The following HDAC8 variants were observed in gnomAD, a reference collection of about 807,000 sequenced individuals.
The protein encoded by HDAC8 is histone deacetylase-like 1.
HDAC8 carries 1 observed loss-of-function variant against 32.2 expected under a neutral mutation model. That is an observed-to-expected ratio of 0.03 (90% CI 0.01 to 0.15). HDAC8 has a LOEUF of 0.15. Among genes scored for constraint, HDAC8 ranks in the 10% least tolerant of loss-of-function variants. HDAC8 has a pLI of 1.00. For synonymous variants in HDAC8, 108 were observed against 113.9 expected (o/e 0.95, Z 0.33); for missense variants, 117 against 300.0 (o/e 0.39, Z 4.51).
chrX:72,463,285 CA>C (rs1281256936), intron 8 of HDAC8, among the ~76,000 whole-genome samples: 1 of 112,257 alleles, frequency 8.9e-6, no homozygotes, highest in Non-Finnish European at 1.9e-5. Context: ...ATCTCTGGTA[CA>C]TATACAATAT....
At chrX:72,363,245 C>T (rs1348689279) in intron 9 of HDAC8, among the ~76,000 whole-genome samples, 1 of 112,285 alleles carries the variant, frequency 8.9e-6, no homozygotes, top group African/African-American at 3.2e-5. Context: ...TACCATATGT[C>T]TCTGTTAATC....
chrX:72,355,818 C>A (rs1342063838), intron 9 of HDAC8, among the ~76,000 whole-genome samples: 1 of 112,028 alleles, frequency 8.9e-6, no homozygotes, highest in Non-Finnish European at 1.9e-5. Flanking sequence ...GGAAACCAAG[C>A]AACGAACCTG....
intron 9 of HDAC8, among the ~76,000 whole-genome samples, chrX:72,440,893 G>C (rs1602854065): frequency 8.9e-6 from 1 of 112,920 alleles, no homozygotes. Context: ...CCCGCACCTG[G>C]CTTGGGGGGG....
At chrX:72,522,104 C>T (rs2050001111) in intron 4 of HDAC8, among the ~76,000 whole-genome samples, 1 of 112,195 alleles carries the variant, frequency 8.9e-6, no homozygotes, top group African/African-American at 3.2e-5. Context: ...ACCCAACAGG[C>T]ACACACAAAT....
intron 8 of HDAC8, among the ~76,000 whole-genome samples, chrX:72,464,230 C>A (rs782502010): frequency 8.9e-6 from 1 of 111,983 alleles, no homozygotes; most frequent in African/African-American, 3.2e-5. Flanking sequence ...AAAGACTACA[C>A]TGAGAGAAGG....
At position 72,389,953 on chromosome X, in the gene HDAC8, T is replaced by A. The variant is rs138654813; in HGVS notation, c.1006-38115A>T. Among the ~76,000 whole-genome samples, 1,050 of 112,060 alleles carry A rather than the reference T, an allele frequency of 9.4e-3. 17 individuals carry two copies. The highest frequency in any genetic ancestry group is 0.032 in the African/African-American group (983 of 30,835). The stretch of plus-strand genomic sequence containing the variant: ...GCAGGGATGTGGATGCCTTATTTTT[T>A]ATTATTTTTTTAGTTGACAATAACT... On this transcript the variant is annotated intron_variant, in intron 9 of 10. Coordinates refer to ENST00000373573, the MANE Select transcript of HDAC8 (RefSeq NM_018486.3).
At chrX:72,430,444 T>C (rs2046779435) in intron 9 of HDAC8, among the ~76,000 whole-genome samples, 1 of 112,572 alleles carries the variant, frequency 8.9e-6, no homozygotes, top group Non-Finnish European at 1.9e-5. Context: ...GCTGTTCCCC[T>C]TAAAATGTTA....
At chrX:72,487,334 A>G (rs782194750) in intron 7 of HDAC8, among the ~76,000 whole-genome samples, 1 of 111,926 alleles carries the variant, frequency 8.9e-6, no homozygotes, top group African/African-American at 3.3e-5. Flanking sequence ...GAAAAAAAAG[A>G]GAAAATATAG....
At position 72,548,960 on chromosome X, in the gene HDAC8, C is replaced by T. The variant is rs1556062390; in HGVS notation, c.437+18929G>A. Reference sequence around the variant, plus strand: ...AGATACCTTTTCCTAATTGACCCCCCCATAACATTTTAATACTGCAGATAT... The same window carrying T: ...AGATACCTTTTCCTAATTGACCCCCTCATAACATTTTAATACTGCAGATAT... On this transcript the variant is annotated intron_variant, in intron 4 of 10. Transcript: ENST00000373573. Among the ~76,000 whole-genome samples, 3 of 111,906 alleles carry T rather than the reference C, an allele frequency of 2.7e-5. No homozygotes were observed. In the East Asian group the frequency reaches 8.4e-4, roughly 31 times the overall value.
At chrX:72,432,688 T>A (rs1186869050) in intron 9 of HDAC8, among the ~76,000 whole-genome samples, 1 of 111,243 alleles carries the variant, frequency 9.0e-6, no homozygotes, top group Non-Finnish European at 1.9e-5. Flanking sequence ...ACTCCCCATA[T>A]GCTTCCTTTA....
In HDAC8 at chrX:72,491,281, G is replaced by A. The variant is rs181361237; in HGVS notation, c.551-275C>T. Among the ~76,000 whole-genome samples the A allele has an allele frequency of 6.3e-5, 7 of 111,905 alleles. No homozygotes were observed. In the East Asian group the frequency reaches 1.1e-3, roughly 18 times the overall value. On this transcript the variant is annotated intron_variant, in intron 5 of 10. Coordinates refer to ENST00000373573, the MANE Select transcript of HDAC8 (RefSeq NM_018486.3). ...ACTTCCCCTTTCCAAGCAATGGGATGTCTGGGCTCTCTTTGACAACCTGTT... is the reference window on the plus strand; with the variant it reads ...ACTTCCCCTTTCCAAGCAATGGGATATCTGGGCTCTCTTTGACAACCTGTT...
intron 4 of HDAC8, among the ~76,000 whole-genome samples, chrX:72,555,926 A>C (rs1556091823): frequency 7.1e-5 from 8 of 112,336 alleles, no homozygotes. Flanking sequence ...TTCATTGCAA[A>C]ATGATCATCA....
At chrX:72,442,915 A>G (rs2047206711) in intron 9 of HDAC8, among the ~76,000 whole-genome samples, 1 of 109,505 alleles carries the variant, frequency 9.1e-6, no homozygotes. Flanking sequence ...ACTTTAAACC[A>G]ACAAAGATCA....
intron 9 of HDAC8, among the ~76,000 whole-genome samples, chrX:72,401,612 T>C (rs2045903843): frequency 8.9e-6 from 1 of 112,301 alleles, no homozygotes; most frequent in South Asian, 3.7e-4. Context: ...ATTGTATTTC[T>C]CCAATAACTA....
chrX:72,332,492 A>G (rs2043551241), intron 10 of HDAC8, among the ~76,000 whole-genome samples: 1 of 111,104 alleles, frequency 9.0e-6, no homozygotes, highest in African/African-American at 3.3e-5. Flanking sequence ...GTGATATCAC[A>G]TTGTGATCTC....
rs374129931 is a variant in HDAC8, at chrX:72,556,449, T to C, written c.437+11440A>G. ...TAGCCTAAATGCTCCACTTAAAAGA[T>C]ACAGAATGGCAGAATGGATAAGAAT... On this transcript the variant is annotated intron_variant, in intron 4 of 10. Transcript: ENST00000373573. 1.3e-4 allele frequency among the ~76,000 whole-genome samples: 14 copies of C among 111,661 alleles called. No homozygotes were observed. The East Asian group carries it at 2.8e-3, about 22-fold the overall frequency.
intron 7 of HDAC8, chrX:72,474,336 G>A (rs2048269404): frequency 2.6e-6 from 2 of 763,202 alleles, no homozygotes; most frequent in Non-Finnish European, 3.1e-6. Flanking sequence ...TAACTTCCTC[G>A]AGGGTAGAAT....
intron 9 of HDAC8, among the ~76,000 whole-genome samples, chrX:72,436,609 A>G (rs1333800001): frequency 9.1e-6 from 1 of 110,283 alleles, no homozygotes; most frequent in Non-Finnish European, 1.9e-5. Context: ...GAAATGATAA[A>G]AGAAAAAAAA....
chrX:72,468,030 G>A (rs977672176), intron 7 of HDAC8: 2 of 1,178,354 alleles, frequency 1.7e-6, no homozygotes, highest in South Asian at 2.0e-5. Flanking sequence ...GTATTGAAAA[G>A]GTTGATAAGA....
Sources: allele counts gnomAD v4.1 joint callset (sites outside exome capture counted in the v4.1 genomes callset), GRCh38; gene constraint gnomAD v4.1.1; transcripts MANE v1.5; gene names NCBI Gene and HGNC (gene_info 2026-07-23, HGNC 2026-07-21).